The following ANKS4B variants were observed in gnomAD, a reference collection of about 807,000 sequenced individuals.
ANKS4B encodes the protein ankyrin repeat and SAM domain-containing protein 4B.
Under a neutral mutation model 20.2 loss-of-function variants are expected in ANKS4B, and 21 were observed. The observed-to-expected ratio is 1.04, with a 90% CI of 0.74 to 1.50. ANKS4B has a LOEUF of 1.50. ANKS4B is among the 40% of genes most tolerant of loss of function. The pLI, the probability that ANKS4B is intolerant of heterozygous loss-of-function variation, is 0.00. For synonymous variants in ANKS4B, 179 were observed against 194.5 expected (o/e 0.92, Z 0.66); for missense variants, 473 against 494.6 (o/e 0.96, Z 0.41).
chr16:21,235,706 T>G (rs1042202425), intron 1 of ANKS4B, among the ~76,000 whole-genome samples: 3 of 152,300 alleles, frequency 2.0e-5, no homozygotes, highest in South Asian at 4.1e-4. Context: ...TCCCAGGTTT[T>G]GGATGTTGAC....
At chr16:21,245,093 AC>A (rs1458713156) in intron 1 of ANKS4B, among the ~76,000 whole-genome samples, 1 of 152,162 alleles carries the variant, frequency 6.6e-6, no homozygotes. Flanking sequence ...TTTGGACTTT[AC>A]TATATTTTTC....
intron 1 of ANKS4B, among the ~76,000 whole-genome samples, chr16:21,236,360 A>C (rs1241221133): frequency 6.6e-6 from 1 of 152,056 alleles, no homozygotes; most frequent in Non-Finnish European, 1.5e-5. Context: ...ATTTGATTTG[A>C]GGTTTGTTCC....
Position 21,252,545 on chromosome 16 carries a change from C to T in ANKS4B, c.*1725C>T, listed in dbSNP as rs1315637662. On this transcript the variant is annotated 3_prime_UTR_variant, in exon 2 of 2. Coordinates refer to ENST00000311620, the MANE Select transcript of ANKS4B (RefSeq NM_145865.3). ...AGAAAAATACAGAAAAAAAGTCTGT[C>T]CAACTGCAATTGATGAGTTTTGTAA... 1 of 152,140 alleles carries T rather than the reference C, an allele frequency of 6.6e-6. No homozygotes were observed. The highest frequency in any genetic ancestry group is 1.5e-5 in the Non-Finnish European group (1 of 68,040). 9.4% of individuals were successfully genotyped at this position (152,140 alleles called of 1,614,324 possible).
chr16:21,250,612 A>G lies in ANKS4B; in HGVS notation c.1046A>G (p.Glu349Gly), dbSNP rs1446419114. 17 of 1,613,958 alleles carry G rather than the reference A, an allele frequency of 1.1e-5. No homozygotes were observed. The highest frequency in any genetic ancestry group is 1.4e-5 in the Non-Finnish European group (16 of 1,179,996). Reference sequence around the variant, plus strand: ...GATGTGGTCGATGCCACGCCCCTGGAAGTGTTCTTGCTGTCTCAGCACCTG... The same window carrying G: ...GATGTGGTCGATGCCACGCCCCTGGGAGTGTTCTTGCTGTCTCAGCACCTG... The part of the protein sequence containing the change: ...EEDVVDATPL[E>G]VFLLSQHLEE... Residue 349 changes from glutamate to glycine, a missense_variant, in exon 2 of 2, where the codon GAA (glutamate) becomes GGA (glycine). Glu to Gly is a moderately conservative substitution (Grantham distance 98). Coordinates refer to ENST00000311620, the MANE Select transcript of ANKS4B (RefSeq NM_145865.3).
chr16:21,236,436 G>A (rs900265493), intron 1 of ANKS4B, among the ~76,000 whole-genome samples: 17 of 152,128 alleles, frequency 1.1e-4, no homozygotes, highest in African/African-American at 4.1e-4. Flanking sequence ...GAGGGTTTGG[G>A]GGTTCTGGGG....
chr16:21,237,798 G>A (rs1393532241), intron 1 of ANKS4B, among the ~76,000 whole-genome samples: 1 of 152,176 alleles, frequency 6.6e-6, no homozygotes, highest in Admixed American at 6.5e-5. Context: ...AAATAGTTTT[G>A]TGTGTGTGTA....
At chr16:21,236,322 G>C (rs1245539458) in intron 1 of ANKS4B, among the ~76,000 whole-genome samples, 1 of 152,154 alleles carries the variant, frequency 6.6e-6, no homozygotes, top group African/African-American at 2.4e-5. Flanking sequence ...CCTCCCACCA[G>C]TCCCTACCTC....
rs2093338761 is a variant in ANKS4B, at chr16:21,250,971, CT to C, written c.*152del. ...CTGAGAGAGAGACCCAAACTTTACT[CT>C]GGGAGGTAGGCTATGCCCATCCAAA... On this transcript the variant is annotated 3_prime_UTR_variant, in exon 2 of 2. Coordinates refer to ENST00000311620, the MANE Select transcript of ANKS4B (RefSeq NM_145865.3). 8.9e-7 allele frequency: 1 copy of C among 1,117,912 alleles called. No individual in the cohort carries two copies. Among genetic ancestry groups the C allele is most frequent in the Non-Finnish European group, 1.2e-6 (1 of 806,924 alleles). 69.2% of individuals were successfully genotyped at this position (1,117,912 alleles called of 1,614,324 possible). A position where few individuals can be genotyped will look rare whatever the true frequency, so the allele number is the denominator to read the frequency against.
intron 1 of ANKS4B, among the ~76,000 whole-genome samples, chr16:21,248,311 C>A (rs1347991498): frequency 4.1e-5 from 6 of 145,394 alleles, no homozygotes; most frequent in African/African-American, 5.1e-5. Context: ...GCACGAGCCA[C>A]TGAGCCTAGC....
rs371606325 is a variant in ANKS4B at position 21,234,290 on chromosome 16, G to A, written c.164+389G>A. Among the ~76,000 whole-genome samples the A allele has an allele frequency of 1.5e-4, 22 of 151,650 alleles. No homozygotes were observed. In the East Asian group the frequency reaches 3.3e-3, roughly 23 times the overall value. On this transcript the variant is annotated intron_variant, in intron 1 of 1. Transcript: ENST00000311620. ...CAACCTTGGTTGGAACAAATGACAT[G>A]GTTTTAGTTTTTTTTTTATCTATGC...
chr16:21,243,317 A>AC (rs1402303545), intron 1 of ANKS4B, among the ~76,000 whole-genome samples: 3 of 152,206 alleles, frequency 2.0e-5, no homozygotes, highest in Non-Finnish European at 4.4e-5. Flanking sequence ...AAAGGGAAAT[A>AC]GAAAAAAACA....
chr16:21,245,055 G>T (rs1470945564), intron 1 of ANKS4B, among the ~76,000 whole-genome samples: 1 of 152,180 alleles, frequency 6.6e-6, no homozygotes, highest in Non-Finnish European at 1.5e-5. Context: ...CAGCTTATGG[G>T]CTGGAGCTGG....
chr16:21,250,429 C>T lies in ANKS4B; in HGVS notation c.863C>T (p.Ser288Leu). ...RNRISSPEDISDSKREFGFKL... is the reference protein window; with the variant it reads ...RNRISSPEDILDSKREFGFKL... ...AGGATATCGAGTCCTGAAGACATCT[C>T]AGATAGCAAGAGAGAGTTTGGTTTT... The change falls in exon 2 of 2, where the codon TCA becomes TTA. Residue 288 changes from serine (S) to leucine (L), a missense_variant. By Grantham distance (145) the Ser-to-Leu change is moderately radical (BLOSUM62 -2). Coordinates refer to ENST00000311620, the MANE Select transcript of ANKS4B (RefSeq NM_145865.3). 1 of 1,614,132 alleles carries T rather than the reference C, an allele frequency of 6.2e-7. No individual in the cohort carries two copies. The highest frequency in any genetic ancestry group is 8.5e-7 in the Non-Finnish European group (1 of 1,180,006).
chr16:21,243,564 T>TTTTTG (rs964725467), intron 1 of ANKS4B, among the ~76,000 whole-genome samples: 5 of 152,130 alleles, frequency 3.3e-5, no homozygotes, highest in Admixed American at 2.0e-4. Flanking sequence ...TTTTGCAAGT[T>TTTTTG]TTTTGTTTTG....
In ANKS4B at chr16:21,249,868, C is replaced by T; in HGVS notation, c.302C>T (p.Pro101Leu). The change falls in exon 2 of 2, where the codon CCA becomes CTA. Residue 101 changes from proline (P) to leucine (L), a missense_variant. Transcript: ENST00000311620. ...IFALDNDLQT[P>L]LDAAASREQN... is the part of the protein sequence containing the mutation. ...GCCCTGGATAATGACTTACAGACTC[C>T]ACTGGATGCTGCTGCCAGCAGGGAG... The T allele has an allele frequency of 6.2e-7, 1 of 1,614,142 alleles. No homozygotes were observed. Among genetic ancestry groups the T allele is most frequent in the South Asian group, 1.1e-5 (1 of 91,080 alleles).
At chr16:21,234,715 C>T (rs1208619643) in intron 1 of ANKS4B, among the ~76,000 whole-genome samples, 1 of 152,086 alleles carries the variant, frequency 6.6e-6, no homozygotes, top group African/African-American at 2.4e-5. Flanking sequence ...ATGTGCCAGC[C>T]ACTTATCTCT....
chr16:21,249,209 C>T (rs1483227843), intron 1 of ANKS4B, among the ~76,000 whole-genome samples: 1 of 152,176 alleles, frequency 6.6e-6, no homozygotes, highest in Non-Finnish European at 1.5e-5. Flanking sequence ...CACAGCCAGG[C>T]ACGGTGGCTT....
In ANKS4B at chr16:21,250,994, C is replaced by A; in HGVS notation, c.*174C>A. 1 of 785,224 alleles carries A rather than the reference C, an allele frequency of 1.3e-6. No individual in the cohort carries two copies. Among genetic ancestry groups the A allele is most frequent in the Non-Finnish European group, 1.9e-6 (1 of 528,358 alleles). 48.6% of individuals were successfully genotyped at this position (785,224 alleles called of 1,614,324 possible). On this transcript the variant is annotated 3_prime_UTR_variant, in exon 2 of 2. Transcript: ENST00000311620. ...CTCTGGGAGGTAGGCTATGCCCATC[C>A]AAATAAATCTCCATGAGAAACTTGA...
intron 1 of ANKS4B, among the ~76,000 whole-genome samples, chr16:21,245,352 G>C (rs1409018950): frequency 6.6e-6 from 1 of 152,180 alleles, no homozygotes; most frequent in Non-Finnish European, 1.5e-5. Context: ...CTTCTGCCGG[G>C]ACATGTGGCT....
Sources: allele counts gnomAD v4.1 joint callset (sites outside exome capture counted in the v4.1 genomes callset), GRCh38; gene constraint gnomAD v4.1.1; transcripts MANE v1.5; gene names NCBI Gene and HGNC (gene_info 2026-07-23, HGNC 2026-07-21).